SYT16: variants seen among roughly 807,000 people sequenced by gnomAD.
SYT16 encodes the protein synaptotagmin 16.
SYT16 carries 42 observed loss-of-function variants against 61.4 expected under a neutral mutation model. That is an observed-to-expected ratio of 0.68 (90% confidence interval 0.53 to 0.89). The LOEUF is 0.89. SYT16 is among the 40% of genes least tolerant of loss of function. The pLI, the probability that SYT16 is intolerant of heterozygous loss-of-function variation, is 0.00. For missense variants in SYT16, 804 were observed against 807.3 expected, an observed-to-expected ratio of 1.00 and a Z score of 0.05; for synonymous variants, 314 against 302.3, an observed-to-expected ratio of 1.04 and a Z score of -0.40.
At chr14:61,887,610 T>C (rs1025271520) in intron 1 of SYT16, among the ~76,000 whole-genome samples, 1 of 152,256 alleles carries the variant, frequency 6.6e-6, no homozygotes, top group African/African-American at 2.4e-5. Flanking sequence ...TGCTGCAGCT[T>C]CTACATCAGC....
intron 1 of SYT16, among the ~76,000 whole-genome samples, chr14:61,946,856 G>A (rs1165017715): frequency 2.6e-5 from 4 of 152,106 alleles, no homozygotes; most frequent in Non-Finnish European, 4.4e-5. Context: ...AATTGGGGAG[G>A]CATAGAACTG....
chr14:61,823,088 G>A (rs1309934139), intron 1 of SYT16, among the ~76,000 whole-genome samples: 1 of 152,092 alleles, frequency 6.6e-6, no homozygotes, highest in African/African-American at 2.4e-5. Context: ...TGCCTCCTGG[G>A]TTCAAGTGAT....
chr14:61,985,450 T>C (rs897214079), intron 2 of SYT16, among the ~76,000 whole-genome samples: 5 of 152,132 alleles, frequency 3.3e-5, no homozygotes, highest in Non-Finnish European at 5.9e-5. Flanking sequence ...TTTCTGCCTA[T>C]CAATAAAACT....
chr14:62,011,471 T>A (rs930406740), intron 3 of SYT16, among the ~76,000 whole-genome samples: 1 of 152,174 alleles, frequency 6.6e-6, no homozygotes, highest in African/African-American at 2.4e-5. Context: ...TGGCTTGACT[T>A]AAATTATGTG....
At chr14:62,057,831 T>C (rs916480003) in intron 3 of SYT16, among the ~76,000 whole-genome samples, 2 of 152,180 alleles carry the variant, frequency 1.3e-5, no homozygotes, top group African/African-American at 4.8e-5. Context: ...AGTATACAAG[T>C]TGATGAGTTT....
At chr14:61,844,559 T>C (rs1435701467) in intron 1 of SYT16, among the ~76,000 whole-genome samples, 1 of 152,158 alleles carries the variant, frequency 6.6e-6, no homozygotes, top group African/African-American at 2.4e-5. Context: ...GGTATGTTCC[T>C]CTATACCCAT....
chr14:62,018,281 CTCTTCT>C (rs1271025523), intron 3 of SYT16, among the ~76,000 whole-genome samples: 8 of 95,442 alleles, frequency 8.4e-5, no homozygotes, highest in African/African-American at 2.8e-4. Flanking sequence ...TTGGGTCTTT[CTCTTCT>C]TCTTCTTCTT....
chr14:61,817,859 T>G (rs868325299), intron 1 of SYT16, among the ~76,000 whole-genome samples: 40 of 152,210 alleles, frequency 2.6e-4, no homozygotes, highest in African/African-American at 8.0e-4. Flanking sequence ...AAAGGATATA[T>G]GCATGTATGT....
intron 1 of SYT16, among the ~76,000 whole-genome samples, chr14:61,928,946 T>G (rs1179104771): frequency 6.6e-6 from 1 of 152,174 alleles, no homozygotes; most frequent in Admixed American, 6.5e-5. Context: ...GCATAGTCAT[T>G]AGTGACAACC....
intron 2 of SYT16, among the ~76,000 whole-genome samples, chr14:61,982,310 G>A (rs559177188): frequency 3.9e-4 from 60 of 152,138 alleles, no homozygotes; most frequent in Non-Finnish European, 7.6e-4. Context: ...AGATATACCT[G>A]AGACTGGGTA....
chr14:62,018,830 C>T (rs2053807116), intron 3 of SYT16, among the ~76,000 whole-genome samples: 1 of 152,160 alleles, frequency 6.6e-6, no homozygotes, highest in African/African-American at 2.4e-5. Flanking sequence ...TTATGTTTCA[C>T]TCTACGGTGC....
chr14:61,886,244 G>A (rs576729298), intron 1 of SYT16, among the ~76,000 whole-genome samples: 7 of 152,044 alleles, frequency 4.6e-5, no homozygotes, highest in Non-Finnish European at 7.4e-5. Flanking sequence ...GATTACAGGC[G>A]TGAGCCACCG....
intron 1 of SYT16, among the ~76,000 whole-genome samples, chr14:61,876,671 A>G (rs912796851): frequency 1.3e-5 from 2 of 152,230 alleles, no homozygotes; most frequent in Non-Finnish European, 2.9e-5. Context: ...GTTCTAGATT[A>G]TGTTCCTTTC....
intron 1 of SYT16, among the ~76,000 whole-genome samples, chr14:61,932,625 G>T (rs1389498806): frequency 5.3e-5 from 8 of 152,164 alleles, no homozygotes. Context: ...ACACATGGGG[G>T]ATTATGGAGA....
chr14:61,914,123 T>G (rs1006805095), intron 1 of SYT16, among the ~76,000 whole-genome samples: 1 of 152,142 alleles, frequency 6.6e-6, no homozygotes, highest in African/African-American at 2.4e-5. Flanking sequence ...GAGTTATAAT[T>G]TGTTCAGTTT....
intron 1 of SYT16, among the ~76,000 whole-genome samples, chr14:61,923,680 A>C (rs1040329177): frequency 3.0e-4 from 45 of 152,166 alleles, no homozygotes; most frequent in African/African-American, 1.1e-3. Context: ...ATTGGGACGT[A>C]GTACAGTGAA....
chr14:61,824,189 C>T (rs77465195), intron 1 of SYT16, among the ~76,000 whole-genome samples: 7 of 152,196 alleles, frequency 4.6e-5, no homozygotes, highest in East Asian at 3.9e-4. Flanking sequence ...ATTCAGAATC[C>T]GTCACTCATT....
At chr14:62,045,064 G>C (rs1001248734) in intron 3 of SYT16, among the ~76,000 whole-genome samples, 1 of 152,148 alleles carries the variant, frequency 6.6e-6, no homozygotes, top group East Asian at 1.9e-4. Context: ...CTTGAACCTT[G>C]GAGGCAGAGG....
At chr14:61,955,505 A>G (rs80182126) in intron 1 of SYT16, among the ~76,000 whole-genome samples, 6,708 of 152,090 alleles carry the variant, frequency 0.044, 189 homozygotes, top group African/African-American at 0.08. Flanking sequence ...TTTGACTATT[A>G]TAAATCTATT....
Sources: gnomAD v4.1 joint callset for allele counts (sites outside exome capture counted in the v4.1 genomes callset) on GRCh38, gnomAD v4.1.1 for gene constraint, MANE v1.5 for transcripts, NCBI Gene and HGNC (gene_info 2026-07-23, HGNC 2026-07-21) for gene names.